GRK7: variants seen among roughly 807,000 people sequenced by gnomAD.
GRK7 encodes the protein G protein-coupled receptor kinase 7.
Under a neutral mutation model 34.1 loss-of-function variants are expected in GRK7, and 24 were observed. The observed-to-expected ratio is 0.70, with a 90% confidence interval of 0.51 to 0.99. The LOEUF (loss-of-function observed/expected upper bound fraction) is 0.99, where lower values mean the gene tolerates loss of function less well. Ranked by LOEUF, GRK7 falls within the 50% of genes least tolerant of loss-of-function variation. The probability of loss-of-function intolerance (pLI) is 0.00; values close to 1 mark genes in which losing one functional copy is unlikely to be tolerated. For missense variants in GRK7, 644 were observed against 707.3 expected (o/e 0.91, Z 1.02); for synonymous variants, 256 against 279.4 (o/e 0.92, Z 0.84).
intron 4 of GRK7, among the ~76,000 whole-genome samples, chr3:141,797,553 TCTC>T (rs1312569121): frequency 6.6e-6 from 1 of 152,154 alleles, no homozygotes; most frequent in Non-Finnish European, 1.5e-5. Flanking sequence ...GCTCAACAGT[TCTC>T]CTGCCACGGC....
At chr3:141,792,124 T>C (rs770149927) in intron 4 of GRK7, among the ~76,000 whole-genome samples, 5 of 148,916 alleles carry the variant, frequency 3.4e-5, no homozygotes, top group African/African-American at 4.9e-5. Flanking sequence ...ACATTCAGAC[T>C]GGGCGTGGTG....
rs1300788764 is a variant in GRK7 at position 141,816,811 on chromosome 3, C to A, written c.1423C>A (p.Pro475Thr). Reference sequence around the variant, plus strand: ...AATTGAACCCCCATTTGTGCCAGACCCTTCAGTGGTTTATGCCAAAGACAT... The same window carrying A: ...AATTGAACCCCCATTTGTGCCAGACACTTCAGTGGTTTATGCCAAAGACAT... ...GLIEPPFVPDPSVVYAKDIAE... is the reference protein window; with the variant it reads ...GLIEPPFVPDTSVVYAKDIAE... Residue 475 changes from proline to threonine, a missense_variant, in exon 6 of 6, where the codon CCT becomes ACT. Coordinates refer to ENST00000682958, the MANE Select transcript of GRK7 (RefSeq NM_139209.3). The A allele has an allele frequency of 6.2e-7, 1 of 1,610,414 alleles. No homozygotes were observed. The highest frequency in any genetic ancestry group is 8.5e-7 in the Non-Finnish European group (1 of 1,177,460).
At chr3:141,804,662 T>C (rs1454346160) in intron 4 of GRK7, among the ~76,000 whole-genome samples, 1 of 145,110 alleles carries the variant, frequency 6.9e-6, no homozygotes, top group African/African-American at 2.6e-5. Flanking sequence ...TACACACACA[T>C]ACACATGCAC....
rs142117723 is a variant in GRK7 at position 141,814,750 on chromosome 3, T to C, written c.1326-1964T>C. 5.2e-3 allele frequency among the ~76,000 whole-genome samples: 794 copies of C among 152,266 alleles called. 2 individuals carry two copies. The highest frequency in any genetic ancestry group is 0.018 in the African/African-American group (761 of 41,536). On this transcript the variant is annotated intron_variant, in intron 5 of 5. Coordinates refer to ENST00000682958, the MANE Select transcript of GRK7 (RefSeq NM_139209.3). ...TTTGGGTATGTACAAGTAATAGGAT[T>C]GCTGGGTCAAATGGTAGTTATATTT...
At chr3:141,799,014 C>T (rs966324462) in intron 4 of GRK7, among the ~76,000 whole-genome samples, 1 of 152,180 alleles carries the variant, frequency 6.6e-6, no homozygotes, top group Admixed American at 6.5e-5. Context: ...CAATTCTTTA[C>T]TTATTTCCTT....
intron 5 of GRK7, among the ~76,000 whole-genome samples, chr3:141,816,383 G>A (rs1333396197): frequency 2.0e-5 from 3 of 152,136 alleles, no homozygotes; most frequent in Admixed American, 2.0e-4. Flanking sequence ...ATGACTGGAA[G>A]CTGCAGGCAA....
chr3:141,806,234 C>T (rs1375916306), intron 4 of GRK7, among the ~76,000 whole-genome samples: 1 of 152,238 alleles, frequency 6.6e-6, no homozygotes, highest in East Asian at 1.9e-4. Flanking sequence ...TGTTACCTTT[C>T]GTTTCCCATT....
rs534266012 is a variant in GRK7, at chr3:141,778,162, C to A, written c.-113-10C>A. 5.6e-5 allele frequency: 71 copies of A among 1,257,830 alleles called. 2 individuals are homozygous for A. In the South Asian group the frequency reaches 9.2e-4, roughly 16 times the overall value. The allele number at this position is 1,257,830 out of a possible 1,614,324, so 77.9% of individuals were successfully genotyped here. On this transcript the variant is annotated splice_polypyrimidine_tract_variant and intron_variant, in intron 2 of 5. Coordinates refer to ENST00000682958, the MANE Select transcript of GRK7 (RefSeq NM_139209.3). This position sits in a 1 kb window ranked among gnomAD's most constrained non-coding sequence, Gnocchi z 4.1. ...ACCTCTTTCACACCCTCCACGGGTC[C>A]CACCCACAGGCCACAGGACTCACTG...
chr3:141,808,282 C>T (rs890394916), intron 5 of GRK7, among the ~76,000 whole-genome samples: 2 of 152,206 alleles, frequency 1.3e-5, no homozygotes, highest in Non-Finnish European at 2.9e-5. Context: ...AGAATTTTCA[C>T]TGTATCACCT....
chr3:141,789,002 A>G (rs2084710322), intron 4 of GRK7, among the ~76,000 whole-genome samples: 1 of 152,048 alleles, frequency 6.6e-6, no homozygotes, highest in African/African-American at 2.4e-5. Context: ...TTTAGTAGAG[A>G]TGGGATTTCA....
chr3:141,767,033 TAG>T (rs1300935404), intron 1 of GRK7, among the ~76,000 whole-genome samples: 10 of 152,350 alleles, frequency 6.6e-5, no homozygotes, highest in South Asian at 2.1e-4. Flanking sequence ...TTAAAACAAT[TAG>T]AGTCTTGTTT....
rs985199471 is a variant in GRK7, at chr3:141,818,975, C to T, written c.*1925C>T. On this transcript the variant is annotated 3_prime_UTR_variant, in exon 6 of 6. Coordinates refer to ENST00000682958, the MANE Select transcript of GRK7 (RefSeq NM_139209.3). ...TCCATCCTCAGCATGCTCCCTAATG[C>T]TCCAAATCCTAACCTAGGATGCTTA... Among the ~76,000 whole-genome samples the T allele has an allele frequency of 6.6e-6, 1 of 152,196 alleles. No individual in the cohort carries two copies. Among genetic ancestry groups the T allele is most frequent in the Non-Finnish European group, 1.5e-5 (1 of 68,026 alleles).
chr3:141,753,236 G>C, the GRK7 span, among the ~76,000 whole-genome samples: 1 of 152,096 alleles, frequency 6.6e-6, no homozygotes, highest in Non-Finnish European at 1.5e-5. Flanking sequence ...CACATATTTT[G>C]GTTTTTAGTT....
At position 141,807,760 on chromosome 3, in the gene GRK7, C is replaced by T; in HGVS notation, c.1166C>T (p.Thr389Ile). Residue 389 changes from threonine (T) to isoleucine (I), a missense_variant, in exon 5 of 6, where the codon ACA (threonine) becomes ATA (isoleucine). Physicochemically the swap from Thr to Ile is moderately conservative, Grantham distance 89. Coordinates refer to ENST00000682958, the MANE Select transcript of GRK7 (RefSeq NM_139209.3). ...CSIYEMVAGRTPFKDYKEKVS... is the reference protein window; with the variant it reads ...CSIYEMVAGRIPFKDYKEKVS... ...ATTTATGAAATGGTTGCTGGACGAA[C>T]ACCATTCAAAGATTACAAGGAAAAG... is the stretch of plus-strand genomic sequence containing the variant. 4 of 1,614,128 alleles carry T rather than the reference C, an allele frequency of 2.5e-6. No individual in the cohort carries two copies. Among genetic ancestry groups the T allele is most frequent in the Non-Finnish European group, 3.4e-6 (4 of 1,179,972 alleles).
intron 2 of GRK7, among the ~76,000 whole-genome samples, chr3:141,777,387 C>T (rs867386233): frequency 1.6e-5 from 2 of 121,294 alleles, no homozygotes; most frequent in African/African-American, 6.6e-5. Context: ...TGCAGTGGCG[C>T]AATCTCGGCT....
In GRK7 at chr3:141,780,822, C is replaced by T; in HGVS notation, c.1050+11C>T. Reference sequence around the variant, plus strand: ...CCCATCACCCAGAGGGTGAGTGACTCTCCACCTGCCCCAAGTGCGGGGCAC... The same window carrying T: ...CCCATCACCCAGAGGGTGAGTGACTTTCCACCTGCCCCAAGTGCGGGGCAC... On this transcript the variant is annotated intron_variant, in intron 4 of 5. Coordinates refer to ENST00000682958, the MANE Select transcript of GRK7 (RefSeq NM_139209.3). 1 of 1,604,574 alleles carries T rather than the reference C, an allele frequency of 6.2e-7. No individual in the cohort carries two copies. Among genetic ancestry groups the T allele is most frequent in the Non-Finnish European group, 8.5e-7 (1 of 1,173,602 alleles).
intron 4 of GRK7, among the ~76,000 whole-genome samples, chr3:141,781,524 A>G (rs1577915308): frequency 1.3e-5 from 2 of 151,058 alleles, no homozygotes; most frequent in African/African-American, 4.9e-5. Flanking sequence ...TCGACAGAGC[A>G]AGACTCTGTC....
At chr3:141,766,493 C>A (rs2084581727) in intron 1 of GRK7, among the ~76,000 whole-genome samples, 1 of 152,076 alleles carries the variant, frequency 6.6e-6, no homozygotes, top group South Asian at 2.1e-4. Flanking sequence ...TTATTCTCTC[C>A]ACTCTCGATT....
intron 5 of GRK7, among the ~76,000 whole-genome samples, chr3:141,816,188 G>T (rs1020372611): frequency 4.6e-5 from 7 of 152,106 alleles, no homozygotes; most frequent in African/African-American, 1.7e-4. Flanking sequence ...ATTACTAATG[G>T]ATTTTGTTAA....
Sources: gnomAD v4.1 joint callset for allele counts (sites outside exome capture counted in the v4.1 genomes callset) on GRCh38, gnomAD v4.1.1 for gene constraint, Gnocchi (gnomAD v3.1) non-coding constraint, MANE v1.5 for transcripts, NCBI Gene and HGNC (gene_info 2026-07-23, HGNC 2026-07-21) for gene names.